NTM: variants seen among roughly 807,000 people sequenced by gnomAD.
NTM encodes the protein neurotrimin, also known as IgLON family member 2.
In NTM, 13 loss-of-function variants were observed where a neutral mutation model predicts 42.1. The ratio of observed to expected loss-of-function variants is 0.31; its 90% CI spans 0.20 to 0.49. NTM has a LOEUF of 0.49. Ranked by LOEUF, NTM falls within the 20% of genes least tolerant of loss-of-function variation. The pLI is 0.99. For missense variants in NTM, 373 were observed against 452.8 expected (o/e 0.82, Z 1.60); for synonymous variants, 187 against 179.2 (o/e 1.04, Z -0.35).
At chr11:131,748,052 A>C (rs904608796) in intron 1 of NTM, among the ~76,000 whole-genome samples, 8 of 152,248 alleles carry the variant, frequency 5.3e-5, no homozygotes, top group Non-Finnish European at 8.8e-5. Flanking sequence ...TGTGTACAAG[A>C]AGCGTTGATG....
intron 2 of NTM, among the ~76,000 whole-genome samples, chr11:132,031,770 A>C (rs1444080274): frequency 6.6e-6 from 1 of 152,196 alleles, no homozygotes. Context: ...ATGAAAATTG[A>C]TAATAGACTT....
At chr11:131,413,842 T>C (rs1441396746) in intron 1 of NTM, among the ~76,000 whole-genome samples, 3 of 151,952 alleles carry the variant, frequency 2.0e-5, no homozygotes, top group African/African-American at 7.3e-5. Flanking sequence ...TGAGTCCACA[T>C]GGTTACTGTG....
intron 1 of NTM, among the ~76,000 whole-genome samples, chr11:131,715,758 T>C (rs1266820334): frequency 6.6e-6 from 1 of 152,232 alleles, no homozygotes; most frequent in Non-Finnish European, 1.5e-5. Context: ...ACACAATATG[T>C]ACTCACTTTT....
chr11:131,600,695 C>G (rs990629609), intron 1 of NTM, among the ~76,000 whole-genome samples: 1 of 152,134 alleles, frequency 6.6e-6, no homozygotes, highest in Admixed American at 6.6e-5. Context: ...GGAACCTGAC[C>G]GCTGGCCAGG....
chr11:131,509,393 C>T (rs1407723141), intron 1 of NTM, among the ~76,000 whole-genome samples: 2 of 152,186 alleles, frequency 1.3e-5, no homozygotes, highest in African/African-American at 2.4e-5. Context: ...ATTTCTTTTC[C>T]TAACTTCAGC....
intron 8 of NTM, among the ~76,000 whole-genome samples, chr11:132,333,784 G>A (rs535136116): frequency 7.2e-5 from 11 of 152,236 alleles, no homozygotes; most frequent in East Asian, 3.9e-4. Flanking sequence ...ATTTAGCCAC[G>A]CCCCCAAATT....
At chr11:132,216,673 C>A (rs1333241063) in intron 4 of NTM, among the ~76,000 whole-genome samples, 1 of 152,216 alleles carries the variant, frequency 6.6e-6, no homozygotes, top group East Asian at 1.9e-4. Context: ...CTCTTTGATT[C>A]TCTCCTTCTA....
Position 131,371,040 on chromosome 11 carries a change from G to A in NTM, c.82+152G>A. Reference sequence around the variant, plus strand: ...AGCATGGCTGGGACTTCATTCTCCCGACTAGGCTGTGAGAATATTGATTTG... The same window carrying A: ...AGCATGGCTGGGACTTCATTCTCCCAACTAGGCTGTGAGAATATTGATTTG... On this transcript the variant is annotated intron_variant, in intron 1 of 8. Transcript: ENST00000683400. The A allele has an allele frequency of 3.4e-6, 5 of 1,462,314 alleles. No individual in the cohort carries two copies. The South Asian group carries it at 7.5e-5, about 22-fold the overall frequency. 90.6% of individuals were successfully genotyped at this position (1,462,314 alleles called of 1,614,324 possible). A position where few individuals can be genotyped will look rare whatever the true frequency, so the allele number is the denominator to read the frequency against.
chr11:132,178,689 T>TA (rs1391803560), intron 3 of NTM, among the ~76,000 whole-genome samples: 1 of 152,154 alleles, frequency 6.6e-6, no homozygotes, highest in East Asian at 1.9e-4. Flanking sequence ...TTGCTCGTCT[T>TA]AAAAATTGGG....
chr11:131,411,031 A>T (rs1317901697), intron 1 of NTM, among the ~76,000 whole-genome samples: 1 of 152,166 alleles, frequency 6.6e-6, no homozygotes, highest in African/African-American at 2.4e-5. Context: ...CTTATACCAC[A>T]TACTTCTATC....
chr11:131,391,373 C>T (rs765452519), intron 1 of NTM, among the ~76,000 whole-genome samples: 3 of 152,064 alleles, frequency 2.0e-5, no homozygotes, highest in African/African-American at 7.2e-5. Flanking sequence ...TGGCCCTCCC[C>T]GCCCCACTCC....
chr11:131,720,723 G>A (rs943326607), intron 1 of NTM, among the ~76,000 whole-genome samples: 4 of 152,136 alleles, frequency 2.6e-5, no homozygotes, highest in South Asian at 2.1e-4. Context: ...CAGAGGCAGC[G>A]TGTTATAGTG....
intron 3 of NTM, among the ~76,000 whole-genome samples, chr11:132,147,175 T>TTG (rs751528769): frequency 0.1 from 12,560 of 123,268 alleles, 734 homozygotes; most frequent in South Asian, 0.15. Flanking sequence ...CCTTGTATGT[T>TTG]TGTGTGTGTG....
intron 1 of NTM, among the ~76,000 whole-genome samples, chr11:131,442,018 T>C (rs1007979278): frequency 1.3e-5 from 2 of 152,206 alleles, no homozygotes; most frequent in African/African-American, 4.8e-5. Flanking sequence ...ACTCCTCAGA[T>C]CACAGGGTAA....
intron 7 of NTM, among the ~76,000 whole-genome samples, chr11:132,316,934 G>A (rs990314108): frequency 6.6e-6 from 1 of 151,850 alleles, no homozygotes; most frequent in Non-Finnish European, 1.5e-5. Context: ...AAAGCAGCAT[G>A]TACTTTTTGC....
chr11:132,291,422 A>G (rs1185866035), intron 4 of NTM, among the ~76,000 whole-genome samples: 1 of 152,178 alleles, frequency 6.6e-6, no homozygotes, highest in Non-Finnish European at 1.5e-5. Context: ...AATTTGAAGG[A>G]AGATAAATCT....
intron 1 of NTM, among the ~76,000 whole-genome samples, chr11:131,403,523 A>G (rs958783160): frequency 6.6e-6 from 1 of 152,172 alleles, no homozygotes; most frequent in African/African-American, 2.4e-5. Flanking sequence ...AAACAAACAA[A>G]CAAACAACAA....
chr11:131,934,170 C>A lies in NTM; in HGVS notation c.167+22522C>A, dbSNP rs549668962. On this transcript the variant is annotated intron_variant, in intron 2 of 8. Coordinates refer to ENST00000683400, the MANE Select transcript of NTM (RefSeq NM_001352005.2). ...AAGCAAGAACACAATAAAATGAACTCCATACATAAATGAAGGAAGCATCTT... is the reference window on the plus strand; with the variant it reads ...AAGCAAGAACACAATAAAATGAACTACATACATAAATGAAGGAAGCATCTT... Among the ~76,000 whole-genome samples the A allele has an allele frequency of 7.9e-5, 12 of 152,290 alleles. No homozygotes were observed. In the Middle Eastern group the frequency reaches 0.01, roughly 129 times the overall value.
Position 132,336,255 on chromosome 11 carries a change from C to A in NTM, c.*1109C>A, listed in dbSNP as rs2095871185. On this transcript the variant is annotated 3_prime_UTR_variant, in exon 9 of 9. Coordinates refer to ENST00000683400, the MANE Select transcript of NTM (RefSeq NM_001352005.2). ...GTCCTTTCTCAGACATTACTGCATG[C>A]TGTATATGGCGTTAGCTGTGTGTTG... 6.6e-6 allele frequency: 1 copy of A among 152,522 alleles called. No homozygotes were observed. The highest frequency in any genetic ancestry group is 1.5e-5 in the Non-Finnish European group (1 of 68,036). The allele number at this position is 152,522 out of a possible 1,614,324, so 9.4% of individuals were successfully genotyped here.
Sources: gnomAD v4.1 joint callset for allele counts (sites outside exome capture counted in the v4.1 genomes callset) on GRCh38, gnomAD v4.1.1 for gene constraint, MANE v1.5 for transcripts, NCBI Gene and HGNC (gene_info 2026-07-23, HGNC 2026-07-21) for gene names.